BCDIN3D: variants seen among roughly 807,000 people sequenced by gnomAD.
BCDIN3D encodes the protein RNA 5'-monophosphate methyltransferase.
Under a neutral mutation model 21.2 loss-of-function variants are expected in BCDIN3D, and 15 were observed. The observed-to-expected ratio is 0.71, with a 90% CI of 0.47 to 1.09. The LOEUF (loss-of-function observed/expected upper bound fraction) is 1.09. BCDIN3D is among the 50% of genes least tolerant of loss of function. The pLI, the probability that BCDIN3D is intolerant of heterozygous loss-of-function variation, is 0.00. For missense variants in BCDIN3D, 331 were observed against 366.2 expected (o/e 0.90, Z 0.79); for synonymous variants, 127 against 141.9 (o/e 0.90, Z 0.75).
chr12:49,840,538 G>T, intron 1 of BCDIN3D: 1 of 152,340 alleles, frequency 6.6e-6, no homozygotes, highest in South Asian at 2.1e-4. Context: ...TTATTTTTGA[G>T]ACAGGATCTT....
At chr12:49,842,536 AG>A in intron 1 of BCDIN3D, 1 of 345,212 alleles carries the variant, frequency 2.9e-6, no homozygotes, top group Non-Finnish European at 5.4e-6. Flanking sequence ...TGTCTCTGGA[AG>A]CCCCCTCTCC....
intron 1 of BCDIN3D, chr12:49,842,622 T>C (rs984696315): frequency 7.9e-6 from 4 of 505,038 alleles, no homozygotes; most frequent in African/African-American, 2.0e-5. Context: ...GGTCTGGCCC[T>C]GAAAGAAAAG....
At position 49,839,264 on chromosome 12, in the gene BCDIN3D, A is replaced by G. The variant is rs1243368604; in HGVS notation, c.235-249T>C. The stretch of plus-strand genomic sequence containing the variant: ...ACACTGATGATAGATTGGGTTGTAT[A>G]GCTGAAAGTTACAGCCAAATGGATG... On this transcript the variant is annotated intron_variant, in intron 1 of 1. Coordinates refer to ENST00000333924, the MANE Select transcript of BCDIN3D (RefSeq NM_181708.3). 13 of 473,532 alleles carry G rather than the reference A, an allele frequency of 2.7e-5. No homozygotes were observed. The East Asian group carries it at 4.7e-4, about 17-fold the overall frequency. 29.3% of individuals were successfully genotyped at this position (473,532 alleles called of 1,614,324 possible).
Position 49,838,805 on chromosome 12 carries a change from A to G in BCDIN3D, c.445T>C (p.Phe149Leu). Residue 149 changes from phenylalanine to leucine, a missense_variant, in exon 2 of 2, where the codon TTC (phenylalanine) becomes CTC (leucine). By Grantham distance (22) the Phe-to-Leu change is conservative. Coordinates refer to ENST00000333924, the MANE Select transcript of BCDIN3D (RefSeq NM_181708.3). ...QRTRKVLLSSFLSQFGRSVFD... is the reference protein window; with the variant it reads ...QRTRKVLLSSLLSQFGRSVFD... ...ACTGAACGTCCAAATTGGCTTAAGA[A>G]AGAGCTCAAGAGAACCTTCCGGGTC... 6.2e-7 allele frequency: 1 copy of G among 1,614,202 alleles called. No individual in the cohort carries two copies. The highest frequency in any genetic ancestry group is 1.1e-5 in the South Asian group (1 of 91,078).
At chr12:49,842,494 A>T (rs1020994154) in intron 1 of BCDIN3D, 5 of 264,530 alleles carry the variant, frequency 1.9e-5, no homozygotes, top group Non-Finnish European at 3.7e-5. Context: ...CTCTCCCAGT[A>T]AACCAAACCT....
chr12:49,839,168 T>C, intron 1 of BCDIN3D, 153 bp from the exon 2 acceptor site: 1 of 836,480 alleles, frequency 1.2e-6, no homozygotes, highest in South Asian at 1.8e-5. Flanking sequence ...GTGCAAAAAT[T>C]TTCTACAGAG....
chr12:49,840,837 A>G (rs1445961995), intron 1 of BCDIN3D: 1 of 151,978 alleles, frequency 6.6e-6, no homozygotes, highest in Non-Finnish European at 1.5e-5. Context: ...TTGTTGTTTT[A>G]TTTGAGACAG....
chr12:49,839,500 T>G, intron 1 of BCDIN3D: 1 of 159,388 alleles, frequency 6.3e-6, no homozygotes, highest in Admixed American at 5.9e-5. Context: ...GATTCCAAAG[T>G]CCTCATTCAG....
chr12:49,842,646 G>A, intron 1 of BCDIN3D: 1 of 544,984 alleles, frequency 1.8e-6, no homozygotes, highest in South Asian at 2.4e-5. Flanking sequence ...GAACGTAGTC[G>A]ACAAGGACTC....
At position 49,838,896 on chromosome 12, in the gene BCDIN3D, T is replaced by C. The variant is rs1319426656; in HGVS notation, c.354A>G (p.Arg118=). The C allele has an allele frequency of 2.5e-6, 4 of 1,614,126 alleles. No homozygotes were observed. The highest frequency in any genetic ancestry group is 4.5e-5 in the East Asian group (2 of 44,900). Residue 118 remains arginine (R), a synonymous_variant, in exon 2 of 2, where the codon CGA becomes CGG. Transcript: ENST00000333924. The part of the protein sequence containing the change: ...CCDIDPVLVK[R]AEKECPFPDA... ...CAGGAAAAGGACATTCTTTTTCGGC[T>C]CGCTTCACCAGGACTGGATCTATGT...
intron 1 of BCDIN3D, among the ~76,000 whole-genome samples, chr12:49,841,855 G>T (rs1437306148): frequency 6.6e-6 from 1 of 152,220 alleles, no homozygotes; most frequent in Non-Finnish European, 1.5e-5. Flanking sequence ...ACTAACTTTT[G>T]AAGCATTTGC....
rs753263407 is a variant in BCDIN3D at position 49,838,549 on chromosome 12, A to G, written c.701T>C (p.Ile234Thr). ...LAIRGDMPNQIVQILTQDHGM... is the reference protein window; with the variant it reads ...LAIRGDMPNQTVQILTQDHGM... ...ATGATCCTGGGTCAAGATCTGCACA[A>G]TCTGATTGGGCATGTCACCTCGGAT... The change falls in exon 2 of 2, where the codon ATT becomes ACT. Residue 234 changes from isoleucine to threonine, a missense_variant. Coordinates refer to ENST00000333924, the MANE Select transcript of BCDIN3D (RefSeq NM_181708.3). 2 of 1,614,190 alleles carry G rather than the reference A, an allele frequency of 1.2e-6. No individual in the cohort carries two copies. Among genetic ancestry groups the G allele is most frequent in the Non-Finnish European group, 8.5e-7 (1 of 1,180,034 alleles).
intron 1 of BCDIN3D, 114 bp from the exon 2 acceptor site, chr12:49,839,129 AG>A (rs1946534468): frequency 4.8e-6 from 6 of 1,261,248 alleles, no homozygotes; most frequent in Non-Finnish European, 6.5e-6. Flanking sequence ...ATAGGATGTG[AG>A]GTTCCTAAAC....
chr12:49,843,040 T>G lies in BCDIN3D; in HGVS notation c.48A>C (p.Ala16=), dbSNP rs1361051962. 119 of 1,614,116 alleles carry G rather than the reference T, an allele frequency of 7.4e-5. No homozygotes were observed. Among genetic ancestry groups the G allele is most frequent in the Non-Finnish European group, 9.8e-5 (116 of 1,180,056 alleles). The change falls in exon 1 of 2, where the codon GCA becomes GCC. Residue 16 remains alanine, a synonymous_variant. Coordinates refer to ENST00000333924, the MANE Select transcript of BCDIN3D (RefSeq NM_181708.3). ...ELDGGSVKET[A]AEEESRVLAP... Reference sequence around the variant, plus strand: ...CCAGAACTCGCGATTCCTCTTCCGCTGCGGTCTCCTTAACACTCCCTCCAT... The same window carrying G: ...CCAGAACTCGCGATTCCTCTTCCGCGGCGGTCTCCTTAACACTCCCTCCAT...
chr12:49,841,717 T>C (rs952794091), intron 1 of BCDIN3D, among the ~76,000 whole-genome samples: 2 of 152,150 alleles, frequency 1.3e-5, no homozygotes, highest in African/African-American at 2.4e-5. Flanking sequence ...CTTCCTACTA[T>C]CATCTGAGTC....
chr12:49,840,634 A>G (rs1177850324), intron 1 of BCDIN3D: 1 of 152,186 alleles, frequency 6.6e-6, no homozygotes, highest in Non-Finnish European at 1.5e-5. Context: ...CTTCAGCCTT[A>G]TGAGTAGCTG....
rs1946520001 is a variant in BCDIN3D, at chr12:49,837,788, C to G, written c.*583G>C. On this transcript the variant is annotated 3_prime_UTR_variant, in exon 2 of 2. Coordinates refer to ENST00000333924, the MANE Select transcript of BCDIN3D (RefSeq NM_181708.3). ...AATTGTATACTTTTAAAAAAATTAT[C>G]AATTTATCTTTTAATTTTTTAATCC... 6.6e-6 allele frequency: 1 copy of G among 151,898 alleles called. No homozygotes were observed. Among genetic ancestry groups the G allele is most frequent in the Non-Finnish European group, 1.5e-5 (1 of 68,028 alleles). 9.4% of individuals were successfully genotyped at this position (151,898 alleles called of 1,614,324 possible). A position where few individuals can be genotyped will look rare whatever the true frequency, so the allele number is the denominator to read the frequency against.
chr12:49,838,522 C>T lies in BCDIN3D; in HGVS notation c.728G>A (p.Gly243Asp). The T allele has an allele frequency of 6.2e-7, 1 of 1,614,126 alleles. No individual in the cohort carries two copies. The highest frequency in any genetic ancestry group is 1.3e-5 in the African/African-American group (1 of 75,004). Reference protein sequence around the residue: ...QIVQILTQDHGMELICCFGNT... With the variant: ...QIVQILTQDHDMELICCFGNT... ...GCCAAAGCAACATATTAATTCCATG[C>T]CATGATCCTGGGTCAAGATCTGCAC... The change falls in exon 2 of 2, where the codon GGC becomes GAC. Residue 243 changes from glycine to aspartate, a missense_variant. Transcript: ENST00000333924.
At position 49,842,865 on chromosome 12, in the gene BCDIN3D, A is replaced by G. The variant is rs765298002; in HGVS notation, c.223T>C (p.Cys75Arg). The change falls in exon 1 of 2, where the codon TGT becomes CGT. Residue 75 changes from cysteine (C) to arginine (R), a missense_variant. Physicochemically the swap from Cys to Arg is radical, Grantham distance 180. Transcript: ENST00000333924. ...NGPILGLDVGCNSGDLSVALY... is the reference protein window; with the variant it reads ...NGPILGLDVGRNSGDLSVALY... ...CCCCTGTCACTCACCCCGGAGTTAC[A>G]CCCCACGTCGAGCCCCAGAATCGGC... 1.9e-6 allele frequency: 3 copies of G among 1,601,310 alleles called. No individual in the cohort carries two copies. The South Asian group carries it at 3.4e-5, about 18-fold the overall frequency.
Sources: gnomAD v4.1 joint callset for allele counts (sites outside exome capture counted in the v4.1 genomes callset) on GRCh38, gnomAD v4.1.1 for gene constraint, MANE v1.5 for transcripts, NCBI Gene and HGNC (gene_info 2026-07-23, HGNC 2026-07-21) for gene names.